THSD7B: variants seen among roughly 807,000 people sequenced by gnomAD.
THSD7B encodes the protein thrombospondin type-1 domain-containing protein 7B.
In THSD7B, 138 loss-of-function variants were observed where a neutral mutation model predicts 213.6. The observed-to-expected ratio is 0.65, with a 90% CI of 0.56 to 0.74. The LOEUF (loss-of-function observed/expected upper bound fraction) is 0.74, where lower values mean the gene tolerates loss of function less well. THSD7B is among the 30% of genes least tolerant of loss of function. The probability of loss-of-function intolerance (pLI) is 0.00; values close to 1 mark genes in which losing one functional copy is unlikely to be tolerated. For synonymous variants in THSD7B, 742 were observed against 687.0 expected (o/e 1.08, Z -1.25); for missense variants, 1,931 against 1,991.5 (o/e 0.97, Z 0.58).
intron 1 of THSD7B, among the ~76,000 whole-genome samples, chr2:136,818,807 C>T (rs1299210770): frequency 6.6e-6 from 1 of 151,902 alleles, no homozygotes; most frequent in East Asian, 1.9e-4. Context: ...TGTCCATTGG[C>T]TTTCAAGTAA....
Position 137,078,150 on chromosome 2 carries a change from A to AT in THSD7B, c.951-16720dup, listed in dbSNP as rs1573808571. On this transcript the variant is annotated intron_variant, in intron 3 of 27. Transcript: ENST00000409968. ...CAGATAGTTGTAGATATGCGGCATTATTTCTGAGGGCTCTGTTCTGTTCCA... is the reference window on the plus strand; with the variant it reads ...CAGATAGTTGTAGATATGCGGCATTATTTTCTGAGGGCTCTGTTCTGTTCCA... 2.0e-5 allele frequency among the ~76,000 whole-genome samples: 3 copies of AT among 152,162 alleles called. No homozygotes were observed. The East Asian group carries it at 5.8e-4, about 29-fold the overall frequency.
At chr2:136,833,136 T>C (rs1356699840) in intron 1 of THSD7B, among the ~76,000 whole-genome samples, 2 of 151,838 alleles carry the variant, frequency 1.3e-5, no homozygotes, top group African/African-American at 4.8e-5. Context: ...GAGGCCGAGG[T>C]GGGCGGATCA....
At chr2:137,506,873 CA>C (rs1679849651) in intron 15 of THSD7B, among the ~76,000 whole-genome samples, 1 of 152,172 alleles carries the variant, frequency 6.6e-6, no homozygotes, top group South Asian at 2.1e-4. Context: ...GAGTCCTGCA[CA>C]GTAAATTTCA....
intron 5 of THSD7B, among the ~76,000 whole-genome samples, chr2:137,134,276 T>G (rs1215586821): frequency 6.6e-6 from 1 of 152,168 alleles, no homozygotes; most frequent in Non-Finnish European, 1.5e-5. Context: ...AGGAAGCAAG[T>G]CAGCATTCCT....
chr2:136,898,536 C>G (rs1684004316), intron 2 of THSD7B, among the ~76,000 whole-genome samples: 1 of 149,912 alleles, frequency 6.7e-6, no homozygotes, highest in Non-Finnish European at 1.5e-5. Flanking sequence ...CATTTACTAT[C>G]CAGAAAGTCT....
At chr2:137,586,369 C>A (rs1259989786) in intron 17 of THSD7B, among the ~76,000 whole-genome samples, 2 of 152,136 alleles carry the variant, frequency 1.3e-5, no homozygotes, top group African/African-American at 4.8e-5. Context: ...TGAATTTGAT[C>A]CTGTCATTAT....
chr2:137,380,206 G>C (rs1325229240), intron 12 of THSD7B, among the ~76,000 whole-genome samples: 1 of 150,578 alleles, frequency 6.6e-6, no homozygotes, highest in South Asian at 2.1e-4. Flanking sequence ...GAGACCAGAA[G>C]TTTGAGACCA....
intron 7 of THSD7B, among the ~76,000 whole-genome samples, chr2:137,210,422 A>C (rs1056067137): frequency 1.1e-4 from 17 of 152,084 alleles, no homozygotes; most frequent in African/African-American, 4.1e-4. Flanking sequence ...GTATTCTATA[A>C]ATTATGTTAA....
intron 12 of THSD7B, among the ~76,000 whole-genome samples, chr2:137,276,376 A>G (rs1328851328): frequency 1.3e-5 from 2 of 152,060 alleles, no homozygotes; most frequent in South Asian, 2.1e-4. Flanking sequence ...TATACCTTAG[A>G]TTTTTTGGTG....
At chr2:137,081,907 C>T (rs572225091) in intron 3 of THSD7B, among the ~76,000 whole-genome samples, 2 of 151,946 alleles carry the variant, frequency 1.3e-5, no homozygotes, top group South Asian at 4.1e-4. Flanking sequence ...AGGAAAAGGG[C>T]GGTATCTTGT....
intron 7 of THSD7B, among the ~76,000 whole-genome samples, chr2:137,221,665 A>G (rs2105045073): frequency 6.6e-6 from 1 of 152,376 alleles, no homozygotes; most frequent in Admixed American, 6.5e-5. Context: ...TATTTATCAC[A>G]GAGAAATTGA....
At chr2:136,817,304 T>C (rs1042024039) in intron 1 of THSD7B, among the ~76,000 whole-genome samples, 2 of 151,462 alleles carry the variant, frequency 1.3e-5, no homozygotes, top group Non-Finnish European at 2.9e-5. Flanking sequence ...TTCTCCCATT[T>C]TGTAGGTTGC....
intron 12 of THSD7B, among the ~76,000 whole-genome samples, chr2:137,330,101 T>G (rs1573964771): frequency 1.3e-5 from 2 of 152,116 alleles, no homozygotes; most frequent in East Asian, 3.9e-4. Flanking sequence ...TGTGTAGAAG[T>G]CAAGATTTGA....
chr2:137,647,850 T>C (rs1683065748), intron 21 of THSD7B, among the ~76,000 whole-genome samples: 1 of 152,158 alleles, frequency 6.6e-6, no homozygotes, highest in Non-Finnish European at 1.5e-5. Flanking sequence ...CACTACCTCA[T>C]GTTAGCGTCC....
intron 12 of THSD7B, among the ~76,000 whole-genome samples, chr2:137,303,211 C>T (rs1338319822): frequency 6.6e-6 from 1 of 152,128 alleles, no homozygotes; most frequent in East Asian, 1.9e-4. Context: ...TTTGTAGAGA[C>T]ATAATCTCAC....
chr2:137,125,847 A>C (rs10928595), intron 5 of THSD7B, among the ~76,000 whole-genome samples: 2 of 152,022 alleles, frequency 1.3e-5, no homozygotes, highest in East Asian at 1.9e-4. Context: ...GGCTACAGAA[A>C]GGATGTTGTG....
chr2:137,063,265 A>G (rs1253340629), intron 3 of THSD7B, among the ~76,000 whole-genome samples: 1 of 151,988 alleles, frequency 6.6e-6, no homozygotes, highest in Non-Finnish European at 1.5e-5. Flanking sequence ...GTGTATTTAG[A>G]TCATTTATGC....
intron 2 of THSD7B, among the ~76,000 whole-genome samples, chr2:137,018,399 CT>C (rs1686381850): frequency 6.6e-6 from 1 of 152,002 alleles, no homozygotes; most frequent in Non-Finnish European, 1.5e-5. Context: ...CCAAAGAAAA[CT>C]AGTAGGAATA....
Position 137,057,158 on chromosome 2 carries a change from G to T in THSD7B, c.878G>T (p.Trp293Leu), listed in dbSNP as rs1297672177. Residue 293 changes from tryptophan (W) to leucine (L), a missense_variant, in exon 3 of 28, where the codon TGG becomes TTG. Physicochemically the swap from Trp to Leu is moderately conservative, Grantham distance 61 (BLOSUM62 -2). Transcript: ENST00000409968. Reference sequence around the variant, plus strand: ...AAAGCACATCATCATTCGAAGTCTTGGGCAATAGAGATAGGTTATCAAACC... The same window carrying T: ...AAAGCACATCATCATTCGAAGTCTTTGGCAATAGAGATAGGTTATCAAACC... Reference protein sequence around the residue: ...SYKAHHHSKSWAIEIGYQTRQ... With the variant: ...SYKAHHHSKSLAIEIGYQTRQ... 1.2e-6 allele frequency: 2 copies of T among 1,613,876 alleles called. No homozygotes were observed. Among genetic ancestry groups the T allele is most frequent in the Non-Finnish European group, 1.7e-6 (2 of 1,179,878 alleles).
Sources: gnomAD v4.1 joint callset for allele counts (sites outside exome capture counted in the v4.1 genomes callset) on GRCh38, gnomAD v4.1.1 for gene constraint, MANE v1.5 for transcripts, NCBI Gene and HGNC (gene_info 2026-07-23, HGNC 2026-07-21) for gene names.